Variants in RBM12 observed in about 807,000 individuals in gnomAD.
The protein encoded by RBM12 is RNA binding motif protein 12, also known as RNA-binding protein 12.
A neutral mutation model predicts 37.2 loss-of-function variants in RBM12; 24 were observed. The observed-to-expected ratio is 0.65, with a 90% confidence interval of 0.47 to 0.91. RBM12 has a LOEUF of 0.91. Among genes scored for constraint, RBM12 ranks in the 40% least tolerant of loss-of-function variants. RBM12 has a pLI of 0.00. For missense variants in RBM12, 1,061 were observed against 1,183.2 expected (o/e 0.90, Z 1.52); for synonymous variants, 420 against 425.2 (o/e 0.99, Z 0.15).
chr20:35,653,734 T>G lies in RBM12; in HGVS notation c.1589A>C (p.Glu530Ala). ...RLQNFSYDQR[E>A]MILNPEGDVN... ...ATCCCCCTCTGGATTTAGTATCATT[T>G]CCCTCTGGTCATAGCTGAAGTTCTG... The change falls in exon 3 of 3, where the codon GAA becomes GCA. Residue 530 changes from glutamate to alanine, a missense_variant. Transcript: ENST00000374114. 1 of 1,614,206 alleles carries G rather than the reference T, an allele frequency of 6.2e-7. No individual in the cohort carries two copies. The highest frequency in any genetic ancestry group is 8.5e-7 in the Non-Finnish European group (1 of 1,180,042).
intron 1 of RBM12, among the ~76,000 whole-genome samples, chr20:35,660,155 G>A (rs956393086): frequency 6.6e-6 from 1 of 152,150 alleles, no homozygotes; most frequent in Admixed American, 6.5e-5. Context: ...ACAATCAAAA[G>A]TCTAGAGCAT....
chr20:35,656,652 AGCC>A (rs1318675266), intron 2 of RBM12, among the ~76,000 whole-genome samples: 4 of 152,206 alleles, frequency 2.6e-5, no homozygotes, highest in Non-Finnish European at 4.4e-5. Flanking sequence ...CTCCTGCCTC[AGCC>A]TCCCAAGTAG....
rs963759111 is a variant in RBM12 at position 35,651,967 on chromosome 20, C to G, written c.*557G>C. On this transcript the variant is annotated 3_prime_UTR_variant, in exon 3 of 3. Coordinates refer to ENST00000374114, the MANE Select transcript of RBM12 (RefSeq NM_006047.6). ...ACAAACAAAGCAGCAACTTCTGAAG[C>G]AGGACTGTCTATACAGCAAGGACCC... The G allele has an allele frequency of 6.6e-6, 1 of 152,504 alleles. No individual in the cohort carries two copies. Among genetic ancestry groups the G allele is most frequent in the Admixed American group, 6.5e-5 (1 of 15,284 alleles). 9.4% of individuals were successfully genotyped at this position (152,504 alleles called of 1,614,324 possible). A position where few individuals can be genotyped will look rare whatever the true frequency, so the allele number is the denominator to read the frequency against.
intron 2 of RBM12, 65 bp from the exon 3 acceptor site, chr20:35,655,409 A>C: frequency 7.4e-7 from 1 of 1,350,388 alleles, no homozygotes; most frequent in South Asian, 1.4e-5. Flanking sequence ...TTTTAGCTAC[A>C]AGAATGACCA....
intron 2 of RBM12, among the ~76,000 whole-genome samples, chr20:35,656,282 G>A (rs1461629083): frequency 2.0e-5 from 3 of 152,074 alleles, no homozygotes; most frequent in African/African-American, 7.2e-5. Context: ...GGTTGTTACA[G>A]TCTTGGACCT....
chr20:35,651,367 G>A lies in RBM12; in HGVS notation c.*1157C>T, dbSNP rs1030645142. ...ATTTTCTCCTCTGGCGGCTGCACTT[G>A]TACTCTGTATGAAGACTTTTAGTAA... On this transcript the variant is annotated 3_prime_UTR_variant, in exon 3 of 3. Coordinates refer to ENST00000374114, the MANE Select transcript of RBM12 (RefSeq NM_006047.6). 7 of 152,172 alleles carry A rather than the reference G, an allele frequency of 4.6e-5. No homozygotes were observed. Among genetic ancestry groups the A allele is most frequent in the Non-Finnish European group, 1.0e-4 (7 of 68,026 alleles). The allele number at this position is 152,172 out of a possible 1,614,324, so 9.4% of individuals were successfully genotyped here. A position where few individuals can be genotyped will look rare whatever the true frequency, so the allele number is the denominator to read the frequency against.
chr20:35,658,848 G>T, intron 2 of RBM12, 82 bp downstream of exon 2: 3 of 667,590 alleles, frequency 4.5e-6, no homozygotes, highest in Non-Finnish European at 5.5e-6. Flanking sequence ...CAATATAGTT[G>T]CTACATATAT....
At position 35,652,435 on chromosome 20, in the gene RBM12, G is replaced by A. The variant is rs991307796; in HGVS notation, c.*89C>T. 1.4e-5 allele frequency: 20 copies of A among 1,434,080 alleles called. No individual in the cohort carries two copies. In the African/African-American group the frequency reaches 2.7e-4, roughly 19 times the overall value. 88.8% of individuals were successfully genotyped at this position (1,434,080 alleles called of 1,614,324 possible). A position where few individuals can be genotyped will look rare whatever the true frequency, so the allele number is the denominator to read the frequency against. ...CTATATGCAATTGAAACAATCCACA[G>A]GTTCTAACCTGGAAATACTAGGAAA... On this transcript the variant is annotated 3_prime_UTR_variant, in exon 3 of 3. Coordinates refer to ENST00000374114, the MANE Select transcript of RBM12 (RefSeq NM_006047.6).
rs1390603749 is a variant in RBM12, at chr20:35,658,920, A to C, written c.-23+10T>G. 1.4e-6 allele frequency: 1 copy of C among 714,138 alleles called. No individual in the cohort carries two copies. Among genetic ancestry groups the C allele is most frequent in the East Asian group, 2.7e-5 (1 of 37,278 alleles). 44.2% of individuals were successfully genotyped at this position (714,138 alleles called of 1,614,324 possible). ...GTATAAAAACGAACTCTCTATTCAA[A>C]ATCTCTTACCTGATAAAACAAGAGA... On this transcript the variant is annotated intron_variant, in intron 2 of 2. Coordinates refer to ENST00000374114, the MANE Select transcript of RBM12 (RefSeq NM_006047.6).
Position 35,652,845 on chromosome 20 carries a change from C to G in RBM12, c.2478G>C (p.Gly826=), listed in dbSNP as rs202158484. ...PGHLGGPPAF[G]PGPGPGPGPG... ...GGCCGGGGCCGGGGCCGGGGCCAGG[C>G]CCAAAAGCTGGTGGCCCACCCAAAT... Residue 826 remains glycine (G), a synonymous_variant, in exon 3 of 3, where the codon GGG becomes GGC. Coordinates refer to ENST00000374114, the MANE Select transcript of RBM12 (RefSeq NM_006047.6). 6.4e-7 allele frequency: 1 copy of G among 1,574,248 alleles called. No homozygotes were observed. The highest frequency in any genetic ancestry group is 1.1e-5 in the South Asian group (1 of 90,060).
chr20:35,660,725 T>C (rs987599275), intron 1 of RBM12, among the ~76,000 whole-genome samples: 2 of 152,212 alleles, frequency 1.3e-5, no homozygotes, highest in African/African-American at 4.8e-5. Flanking sequence ...CTAGAACTTG[T>C]AATAAACATC....
At position 35,655,351 on chromosome 20, in the gene RBM12, A is replaced by G; in HGVS notation, c.-22-7T>C. On this transcript the variant is annotated splice_polypyrimidine_tract_variant and splice_region_variant and intron_variant, in intron 2 of 2. Transcript: ENST00000374114. ...GCGCTGAAACCACACACACCTGCAG[A>G]TGAGAAAAGGCAACGGCCAGGTCAG... 1.9e-6 allele frequency: 3 copies of G among 1,581,706 alleles called. No individual in the cohort carries two copies. The highest frequency in any genetic ancestry group is 2.6e-6 in the Non-Finnish European group (3 of 1,169,834).
At chr20:35,663,616 A>C (rs2034356404) in intron 1 of RBM12, among the ~76,000 whole-genome samples, 1 of 152,156 alleles carries the variant, frequency 6.6e-6, no homozygotes, top group African/African-American at 2.4e-5. Flanking sequence ...AGGGCCCAGA[A>C]ATCTCTTAAA....
Position 35,653,319 on chromosome 20 carries a change from G to C in RBM12, c.2004C>G (p.Pro668=). ...PGVGLPSAGL[P]GAGLPSTGLP... ...GTCCTGTGCTGGGCAGGCCTGCACC[G>C]GGAAGTCCTGCACTGGGCAGTCCCA... is the stretch of plus-strand genomic sequence containing the variant. Residue 668 remains proline, a synonymous_variant, in exon 3 of 3, where the codon CCC becomes CCG. Transcript: ENST00000374114. 1.2e-6 allele frequency: 2 copies of C among 1,613,626 alleles called. No homozygotes were observed. The highest frequency in any genetic ancestry group is 1.7e-6 in the Non-Finnish European group (2 of 1,179,832).
At position 35,654,820 on chromosome 20, in the gene RBM12, C is replaced by A. The variant is rs1054453259; in HGVS notation, c.503G>T (p.Ser168Ile). 6.2e-7 allele frequency: 1 copy of A among 1,614,204 alleles called. No individual in the cohort carries two copies. The highest frequency in any genetic ancestry group is 1.3e-5 in the African/African-American group (1 of 75,058). ...TGGAACAGTTGAGCTAAACGTTGGG[C>A]TCCCAAAGGAAGCCCCCATATTTGG... ...APPNMGASFG[S>I]PTFSSTVPST... The change falls in exon 3 of 3, where the codon AGC (serine) becomes ATC (isoleucine). Residue 168 changes from serine (S) to isoleucine (I), a missense_variant. Coordinates refer to ENST00000374114, the MANE Select transcript of RBM12 (RefSeq NM_006047.6).
Position 35,653,853 on chromosome 20 carries a change from A to G in RBM12, c.1470T>C (p.Arg490=), listed in dbSNP as rs111719378. Residue 490 remains arginine, a synonymous_variant, in exon 3 of 3, where the codon CGT becomes CGC. Transcript: ENST00000374114. ...NEADYKAALC[R]HKQYMGNRFI... ...AGCGATTGCCCATGTACTGTTTATG[A>G]CGACACAGAGCAGCCTTATAGTCAG... is the stretch of plus-strand genomic sequence containing the variant. 6.2e-7 allele frequency: 1 copy of G among 1,613,980 alleles called. No homozygotes were observed.
At chr20:35,662,695 G>C (rs145618595) in intron 1 of RBM12, among the ~76,000 whole-genome samples, 1 of 152,160 alleles carries the variant, frequency 6.6e-6, no homozygotes, top group African/African-American at 2.4e-5. Flanking sequence ...TATCAACACT[G>C]TCACTGGATT....
chr20:35,661,058 AAATC>A (rs2034206468), intron 1 of RBM12, among the ~76,000 whole-genome samples: 1 of 152,250 alleles, frequency 6.6e-6, no homozygotes, highest in African/African-American at 2.4e-5. Context: ...TTAAAGCACA[AAATC>A]AATCCAGATA....
intron 1 of RBM12, among the ~76,000 whole-genome samples, chr20:35,659,576 C>T (rs2034116891): frequency 6.6e-6 from 1 of 152,174 alleles, no homozygotes; most frequent in South Asian, 2.1e-4. Context: ...ACTAATTCCA[C>T]TGGAGCTCAA....
Sources: allele counts gnomAD v4.1 joint callset (sites outside exome capture counted in the v4.1 genomes callset), GRCh38; gene constraint gnomAD v4.1.1; transcripts MANE v1.5; gene names NCBI Gene and HGNC (gene_info 2026-07-23, HGNC 2026-07-21).